The following LGALS8 variants were observed in gnomAD, a reference collection of about 807,000 sequenced individuals.
LGALS8 encodes galectin-8.
In LGALS8, 30 loss-of-function variants were observed where a neutral mutation model predicts 35.9. That is an observed-to-expected ratio of 0.83 (90% CI 0.62 to 1.13). The LOEUF is 1.13. Ranked by LOEUF, LGALS8 falls within the 50% of genes most tolerant of loss-of-function variation. The pLI is 0.00. For synonymous variants in LGALS8, 138 were observed against 136.1 expected (o/e 1.01, Z -0.10); for missense variants, 366 against 388.7 (o/e 0.94, Z 0.49).
rs992052581 is a variant in LGALS8, at chr1:236,526,324, G to A, written c.45+209G>A. On this transcript the variant is annotated intron_variant, in intron 2 of 9. Transcript: ENST00000366584. This position sits in a 1 kb window ranked among gnomAD's most constrained non-coding sequence, Gnocchi z 4.6. Reference sequence around the variant, plus strand: ...AGTCACAATGATAATATGACGTGATGAAACAGTGTTATGAACAGGGAACGT... The same window carrying A: ...AGTCACAATGATAATATGACGTGATAAAACAGTGTTATGAACAGGGAACGT... 4.7e-6 allele frequency: 2 copies of A among 426,518 alleles called. No individual in the cohort carries two copies. Among genetic ancestry groups the A allele is most frequent in the Non-Finnish European group, 8.4e-6 (2 of 238,234 alleles). The allele number at this position is 426,518 out of a possible 1,614,324, so 26.4% of individuals were successfully genotyped here.
At chr1:236,519,889 A>G (rs1308948828), upstream of LGALS8, among the ~76,000 whole-genome samples, 1 of 150,682 alleles carries the variant, frequency 6.6e-6, no homozygotes, top group East Asian at 1.9e-4. Flanking sequence ...TATAAGCAGC[A>G]TTTTTTTAAA....
chr1:236,541,860 C>T, intron 6 of LGALS8, 150 bp downstream of exon 6: 1 of 549,092 alleles, frequency 1.8e-6, no homozygotes, highest in East Asian at 3.2e-5. Flanking sequence ...CTTGTGGTGC[C>T]AGGCACGCAG....
intron 2 of LGALS8, among the ~76,000 whole-genome samples, chr1:236,531,628 TTTTATTATC>T (rs1661155183): frequency 1.3e-5 from 2 of 152,118 alleles, no homozygotes; most frequent in South Asian, 4.2e-4. Context: ...CCCGGCCCCA[TTTTATTATC>T]TTTATTTGCT....
chr1:236,548,730 C>T lies in LGALS8; in HGVS notation c.*569C>T, dbSNP rs1188721318. On this transcript the variant is annotated 3_prime_UTR_variant, in exon 10 of 10. Transcript: ENST00000366584. The stretch of plus-strand genomic sequence containing the variant: ...CCAGTGATCACTGTCATAACCAGTG[C>T]TCTACCGTATCCCATCACTGAGGAC... 2 of 389,808 alleles carry T rather than the reference C, an allele frequency of 5.1e-6. No homozygotes were observed. The highest frequency in any genetic ancestry group is 9.0e-6 in the Non-Finnish European group (2 of 221,152). The allele number at this position is 389,808 out of a possible 1,614,324, so 24.1% of individuals were successfully genotyped here.
At chr1:236,540,797 T>G (rs886206839) in intron 5 of LGALS8, 114 bp downstream of exon 5, 3 of 1,108,828 alleles carry the variant, frequency 2.7e-6, no homozygotes, top group African/African-American at 3.2e-5. Flanking sequence ...TCTCCCTGAC[T>G]GTAGTATTAA....
rs200845045 is a variant in LGALS8, at chr1:236,548,116, G to A, written c.909G>A (p.Leu303=). ...AAGAGCTCAGCAGTATTGACACGCT[G>A]GAAATTAATGGAGACATCCACTTAC... ...RFKELSSIDT[L]EINGDIHLLE... is the part of the protein sequence containing the mutation. The change falls in exon 10 of 10, where the codon CTG becomes CTA. Residue 303 remains leucine, a synonymous_variant. Transcript: ENST00000366584. The A allele has an allele frequency of 6.2e-7, 1 of 1,613,866 alleles. No homozygotes were observed. The highest frequency in any genetic ancestry group is 8.5e-7 in the Non-Finnish European group (1 of 1,179,916).
chr1:236,523,262 C>T (rs1286850260), upstream of LGALS8: 1 of 152,306 alleles, frequency 6.6e-6, no homozygotes, highest in Non-Finnish European at 1.5e-5. Context: ...AAAACACCCA[C>T]ACGCAGGATA....
Position 236,526,276 on chromosome 1 carries a change from T to C in LGALS8, c.45+161T>C. 2.0e-6 allele frequency: 1 copy of C among 500,730 alleles called. No individual in the cohort carries two copies. The highest frequency in any genetic ancestry group is 3.6e-6 in the Non-Finnish European group (1 of 280,422). 31.0% of individuals were successfully genotyped at this position (500,730 alleles called of 1,614,324 possible). On this transcript the variant is annotated intron_variant, in intron 2 of 9. Transcript: ENST00000366584. The surrounding 1 kb of genome is among the most constrained non-coding windows in gnomAD (Gnocchi z 4.6). ...TGGTGGGTGCTGATTACAAAACAGCTCTTGTCCTCTAGTGGAGGAAGAAGT... is the reference window on the plus strand; with the variant it reads ...TGGTGGGTGCTGATTACAAAACAGCCCTTGTCCTCTAGTGGAGGAAGAAGT...
At chr1:236,539,194 T>A in intron 4 of LGALS8, 105 bp downstream of exon 4, 1 of 924,016 alleles carries the variant, frequency 1.1e-6, no homozygotes, top group Admixed American at 2.2e-5. Context: ...ACACCTGAGA[T>A]ATAGTTTGTT....
At chr1:236,547,725 C>T (rs115640625) in intron 9 of LGALS8, among the ~76,000 whole-genome samples, 410 of 152,132 alleles carry the variant, frequency 2.7e-3, no homozygotes, top group African/African-American at 8.1e-3. Context: ...AGGATGCGGC[C>T]GAGGGAGAGG....
chr1:236,538,101 A>AAAAAACAAAAAAAAAAAG (rs371245157), intron 3 of LGALS8, among the ~76,000 whole-genome samples: 1 of 96,052 alleles, frequency 1.0e-5, no homozygotes, highest in Non-Finnish European at 2.3e-5. Flanking sequence ...AAAAAAAAGA[A>AAAAAACAAAAAAAAAAAG]AAAGAAAAAG....
rs1211674371 is a variant in LGALS8 at position 236,550,347 on chromosome 1, A to C, written c.*2186A>C. On this transcript the variant is annotated 3_prime_UTR_variant, in exon 10 of 10. Transcript: ENST00000366584. ...GGTGACAGTCACACTCCTGGGTTAA[A>C]AAAAGCATTCCAGAACCACTTCTCT... 6.6e-6 allele frequency: 1 copy of C among 152,302 alleles called. No homozygotes were observed. The highest frequency in any genetic ancestry group is 2.4e-5 in the African/African-American group (1 of 41,468). The allele number at this position is 152,302 out of a possible 1,614,324, so 9.4% of individuals were successfully genotyped here.
chr1:236,529,622 G>GTTTTTTTTT (rs11316979), intron 2 of LGALS8, among the ~76,000 whole-genome samples: 1 of 114,738 alleles, frequency 8.7e-6, no homozygotes, highest in African/African-American at 3.5e-5. Flanking sequence ...TTCCTTTTCT[G>GTTTTTTTTT]TTTTTTTTTT....
At chr1:236,527,953 C>G (rs911020816) in intron 2 of LGALS8, among the ~76,000 whole-genome samples, 1 of 152,132 alleles carries the variant, frequency 6.6e-6, no homozygotes, top group Non-Finnish European at 1.5e-5. Context: ...CCAGCCTAGT[C>G]TCAAACTCCT....
chr1:236,534,573 G>A (rs1386043998), intron 2 of LGALS8, among the ~76,000 whole-genome samples: 1 of 151,416 alleles, frequency 6.6e-6, no homozygotes, highest in African/African-American at 2.4e-5. Context: ...TGGGTTAAAT[G>A]AGTCAGCGGC....
intron 5 of LGALS8, 141 bp from the exon 6 acceptor site, chr1:236,541,511 CCA>C (rs1178574693): frequency 5.6e-6 from 3 of 535,670 alleles, no homozygotes; most frequent in Middle Eastern, 4.9e-4. Context: ...GCGGAAAGGA[CCA>C]CAGTGTCAAG....
intron 2 of LGALS8, among the ~76,000 whole-genome samples, chr1:236,535,102 T>G (rs1427671335): frequency 6.6e-6 from 1 of 151,404 alleles, no homozygotes; most frequent in Non-Finnish European, 1.5e-5. Context: ...GAATAGATTG[T>G]TTTGTCTCAA....
chr1:236,552,303 C>A lies in LGALS8; in HGVS notation c.*4142C>A, dbSNP rs1300666453. On this transcript the variant is annotated 3_prime_UTR_variant, in exon 10 of 10. Coordinates refer to ENST00000366584, the MANE Select transcript of LGALS8 (RefSeq NM_201544.4). ...TGGGAGCTGTTTGTAATATGTGCAA[C>A]CTTATAAATAGTGTTTTCCAAACTG... The A allele has an allele frequency of 4.9e-6, 2 of 408,758 alleles. No individual in the cohort carries two copies. The highest frequency in any genetic ancestry group is 8.7e-6 in the Non-Finnish European group (2 of 230,440). 25.3% of individuals were successfully genotyped at this position (408,758 alleles called of 1,614,324 possible). A position where few individuals can be genotyped will look rare whatever the true frequency, so the allele number is the denominator to read the frequency against.
chr1:236,543,698 AC>A (rs1212009001), intron 8 of LGALS8, 50 bp downstream of exon 8: 3 of 1,315,650 alleles, frequency 2.3e-6, no homozygotes, highest in Non-Finnish European at 2.2e-6. Context: ...CGTGCCTGTT[AC>A]CGCCTTCCAC....
Sources: gnomAD v4.1 joint callset for allele counts (sites outside exome capture counted in the v4.1 genomes callset) on GRCh38, gnomAD v4.1.1 for gene constraint, Gnocchi (gnomAD v3.1) non-coding constraint, MANE v1.5 for transcripts, NCBI Gene and HGNC (gene_info 2026-07-23, HGNC 2026-07-21) for gene names.